Variants in SYNE2 observed in about 807,000 individuals in gnomAD.
The protein encoded by SYNE2 is spectrin repeat containing nuclear envelope protein 2.
Under a neutral mutation model 856.3 loss-of-function variants are expected in SYNE2, and 431 were observed. That is an observed-to-expected ratio of 0.50 (90% CI 0.47 to 0.55). The LOEUF (loss-of-function observed/expected upper bound fraction) is 0.55. Among genes scored for constraint, SYNE2 ranks in the 20% least tolerant of loss-of-function variants. The pLI, the probability that SYNE2 is intolerant of heterozygous loss-of-function variation, is 0.00. For missense variants in SYNE2, 8,129 were observed against 8,023.2 expected (o/e 1.01, Z -0.50); for synonymous variants, 2,923 against 2,872.3 (o/e 1.02, Z -0.56).
In SYNE2 at chr14:63,942,111, G is replaced by C; in HGVS notation, c.376G>C (p.Gly126Arg). ...IIDGNPSIILGLIWTIILHFH... is the reference protein window; with the variant it reads ...IIDGNPSIILRLIWTIILHFH... ...TGATGGAAACCCATCCATTATCCTT[G>C]GCCTAATTTGGACAATTATCCTGCA... is the stretch of plus-strand genomic sequence containing the variant. Residue 126 changes from glycine (G) to arginine (R), a missense_variant, in exon 6 of 116, where the codon GGC (glycine) becomes CGC (arginine). Gly to Arg is a moderately radical substitution (Grantham distance 125). Around this residue, in one of 3 missense-constraint regions of SYNE2, gnomAD observed 2,422 missense variants for 2,357.4 expected, o/e 1.03. Transcript: ENST00000555002. 1 of 1,608,748 alleles carries C rather than the reference G, an allele frequency of 6.2e-7. No individual in the cohort carries two copies. Among genetic ancestry groups the C allele is most frequent in the Non-Finnish European group, 8.5e-7 (1 of 1,176,168 alleles).
At chr14:64,137,349 G>A (rs772841180) in intron 78 of SYNE2, among the ~76,000 whole-genome samples, 10 of 152,192 alleles carry the variant, frequency 6.6e-5, no homozygotes, top group Middle Eastern at 3.4e-3. Flanking sequence ...ACAGGTGTGC[G>A]CCACCAAGTC....
At chr14:63,818,344 CA>C (rs34448523) in intron 1 of SYNE2, among the ~76,000 whole-genome samples, 4,169 of 86,440 alleles carry the variant, frequency 0.048, 61 homozygotes, top group Middle Eastern at 0.1. Context: ...GACTCCGTCT[CA>C]AAAAAAAAAA....
intron 14 of SYNE2, among the ~76,000 whole-genome samples, chr14:63,979,223 T>C (rs991595731): frequency 2.6e-5 from 4 of 152,190 alleles, no homozygotes; most frequent in Non-Finnish European, 5.9e-5. Flanking sequence ...AAAATATCAC[T>C]ACTTACTACC....
In SYNE2 at chr14:64,051,496, C is replaced by T. The variant is rs1397430510; in HGVS notation, c.7644-61C>T. The T allele has an allele frequency of 3.5e-6, 5 of 1,426,826 alleles. No individual in the cohort carries two copies. The East Asian group carries it at 9.7e-5, about 28-fold the overall frequency. 88.4% of individuals were successfully genotyped at this position (1,426,826 alleles called of 1,614,324 possible). A position where few individuals can be genotyped will look rare whatever the true frequency, so the allele number is the denominator to read the frequency against. ...TTAATTTCTTCTAATGATATTTATC[C>T]ACATTTTAATGTAGAATAAGCATTA... On this transcript the variant is annotated intron_variant, in intron 47 of 115. Transcript: ENST00000555002.
chr14:63,817,459 C>T (rs1319438889), intron 1 of SYNE2, among the ~76,000 whole-genome samples: 1 of 151,878 alleles, frequency 6.6e-6, no homozygotes, highest in Admixed American at 6.6e-5. Flanking sequence ...AGAGCCAGAC[C>T]CTGTCTCAAA....
chr14:64,223,641 T>C (rs2098704845), intron 113 of SYNE2, among the ~76,000 whole-genome samples: 1 of 152,284 alleles, frequency 6.6e-6, no homozygotes, highest in South Asian at 2.1e-4. Context: ...AATTTTTGTA[T>C]TTTTTGTAGA....
chr14:63,980,898 C>T lies in SYNE2; in HGVS notation c.1649-88C>T, dbSNP rs368423662. ...ATTGTCAGAGTACATATTATTTTGC[C>T]GCTGTCAATTAATATGCAAATATTT... On this transcript the variant is annotated intron_variant, in intron 15 of 115. Transcript: ENST00000555002. The T allele has an allele frequency of 1.0e-3, 1,129 of 1,091,668 alleles. 2 individuals are homozygous for T. The highest frequency in any genetic ancestry group is 1.3e-3 in the Non-Finnish European group (965 of 745,012). The allele number at this position is 1,091,668 out of a possible 1,614,324, so 67.6% of individuals were successfully genotyped here.
chr14:63,813,066 A>G (rs1888678519), intron 1 of SYNE2, among the ~76,000 whole-genome samples: 1 of 152,214 alleles, frequency 6.6e-6, no homozygotes, highest in Non-Finnish European at 1.5e-5. Flanking sequence ...ACTGCAGTCA[A>G]ATTCTGATGG....
intron 1 of SYNE2, among the ~76,000 whole-genome samples, chr14:63,772,632 A>G (rs1226864929): frequency 1.3e-5 from 2 of 151,386 alleles, no homozygotes; most frequent in African/African-American, 4.9e-5. Flanking sequence ...AATCCCAGCT[A>G]TTCGGGAGGC....
intron 66 of SYNE2, among the ~76,000 whole-genome samples, chr14:64,115,990 C>A (rs539881671): frequency 1.9e-3 from 288 of 151,902 alleles, no homozygotes; most frequent in Non-Finnish European, 3.3e-3. Flanking sequence ...CTTGTCTCTA[C>A]AAAATAATTT....
intron 37 of SYNE2, among the ~76,000 whole-genome samples, chr14:64,022,471 G>A (rs530360688): frequency 1.3e-4 from 20 of 151,728 alleles, no homozygotes; most frequent in South Asian, 1.3e-3. Context: ...GGTAGCTCAC[G>A]CCTGTAATTC....
chr14:63,837,778 G>A (rs952963203), intron 1 of SYNE2, among the ~76,000 whole-genome samples: 1 of 151,916 alleles, frequency 6.6e-6, no homozygotes, highest in African/African-American at 2.4e-5. Flanking sequence ...AATTAGCTCA[G>A]TATATTGCCA....
chr14:63,958,017 T>C (rs1272714), intron 8 of SYNE2, among the ~76,000 whole-genome samples: 3 of 151,696 alleles, frequency 2.0e-5, no homozygotes, highest in Non-Finnish European at 4.4e-5. Context: ...ACTGTAGCCT[T>C]GGCAACAGAG....
intron 96 of SYNE2, among the ~76,000 whole-genome samples, chr14:64,184,326 A>AGG (rs999985245): frequency 2.5e-4 from 23 of 90,846 alleles, no homozygotes; most frequent in African/African-American, 6.1e-4. Context: ...CTGTATGCAT[A>AGG]GGGGTGTGTG....
upstream of SYNE2, among the ~76,000 whole-genome samples, chr14:63,849,420 C>T (rs147053407): frequency 2.8e-4 from 42 of 152,284 alleles, no homozygotes; most frequent in Admixed American, 4.6e-4. Flanking sequence ...TCTGGTGAAT[C>T]ACTTAACATT....
In SYNE2 at chr14:64,060,171, A is replaced by G. The variant is rs554463190; in HGVS notation, c.10068-2580A>G. 6.6e-5 allele frequency among the ~76,000 whole-genome samples: 10 copies of G among 152,154 alleles called. No individual in the cohort carries two copies. The East Asian group carries it at 1.9e-3, about 30-fold the overall frequency. The stretch of plus-strand genomic sequence containing the variant: ...GTGGCTTAGCTGGTACCTAAGCTCA[A>G]GACAGTCTCCTTTACTCTTTCCTCT... On this transcript the variant is annotated intron_variant, in intron 49 of 115. Coordinates refer to ENST00000555002, the MANE Select transcript of SYNE2 (RefSeq NM_182914.3).
intron 1 of SYNE2, among the ~76,000 whole-genome samples, chr14:63,802,356 C>T (rs1476368508): frequency 6.6e-6 from 1 of 151,606 alleles, no homozygotes; most frequent in Non-Finnish European, 1.5e-5. Context: ...ATCTGCTCGC[C>T]TCGGCCTCCC....
intron 45 of SYNE2, among the ~76,000 whole-genome samples, chr14:64,035,067 A>C (rs545221369): frequency 6.6e-6 from 1 of 151,866 alleles, no homozygotes; most frequent in East Asian, 1.9e-4. Context: ...TTTGGTCTGT[A>C]ATTACTTCTT....
intron 1 of SYNE2, among the ~76,000 whole-genome samples, chr14:63,788,455 C>T (rs1887619310): frequency 6.6e-6 from 1 of 152,194 alleles, no homozygotes; most frequent in Admixed American, 6.5e-5. Context: ...GAGGGCAGGG[C>T]AGGGATCCTG....
Sources: gnomAD v4.1 joint callset for allele counts (sites outside exome capture counted in the v4.1 genomes callset) on GRCh38, gnomAD v4.1.1 for gene constraint, gnomAD v4.1.1 regional missense constraint, MANE v1.5 for transcripts, NCBI Gene and HGNC (gene_info 2026-07-23, HGNC 2026-07-21) for gene names.